The following NF1 variants were observed in gnomAD, a reference collection of about 807,000 sequenced individuals.
NF1 encodes neurofibromin 1, also known as neurofibromin.
In NF1, 122 loss-of-function variants were observed where a neutral mutation model predicts 325.7. The observed-to-expected ratio is 0.37, with a 90% confidence interval of 0.32 to 0.44. The LOEUF is 0.44. Among genes scored for constraint, NF1 ranks in the 20% least tolerant of loss-of-function variants. The pLI is 1.00. For missense variants in NF1, 2,140 were observed against 3,415.4 expected, an observed-to-expected ratio of 0.63 and a Z score of 9.31; for synonymous variants, 1,091 against 1,186.0, an observed-to-expected ratio of 0.92 and a Z score of 1.65.
chr17:31,112,741 A>C (rs1013942956), intron 1 of NF1, among the ~76,000 whole-genome samples: 5 of 152,134 alleles, frequency 3.3e-5, no homozygotes, highest in Non-Finnish European at 5.9e-5. Context: ...AAGTCTTTCA[A>C]AAGCAGATGT....
chr17:31,285,860 T>C (rs1377893808), intron 36 of NF1, among the ~76,000 whole-genome samples: 2 of 152,190 alleles, frequency 1.3e-5, no homozygotes, highest in African/African-American at 4.8e-5. Flanking sequence ...CTCTTAGTGG[T>C]ATTTGAAAGG....
rs549820662 is a variant in NF1 at position 31,372,367 on chromosome 17, C to T, written c.8378-1646C>T. ...TACATTTTGATACAAATTACTAAAA[C>T]GTTCTGCAGCTGTTTGCTTTCCCGC... On this transcript the variant is annotated intron_variant, in intron 57 of 57. Coordinates refer to ENST00000358273, the MANE Select transcript of NF1 (RefSeq NM_001042492.3). Among the ~76,000 whole-genome samples, 11 of 152,210 alleles carry T rather than the reference C, an allele frequency of 7.2e-5. 1 individual carries two copies. The South Asian group carries it at 1.9e-3, about 26-fold the overall frequency.
In NF1 at chr17:31,225,111, C is replaced by G. The variant is rs760346063; in HGVS notation, c.1862C>G (p.Ser621Cys). Reference protein sequence around the residue: ...LLKNKQADRSSCHFLLFYGVG... With the variant: ...LLKNKQADRSCCHFLLFYGVG... ...TTTTTCTAGCAGGCAGATAGAAGTT[C>G]CTGTCACTTTCTCCTTTTTTACGGG... Residue 621 changes from serine to cysteine, a missense_variant, in exon 17 of 58, where the codon TCC becomes TGC. Physicochemically the swap from Ser to Cys is moderately radical, Grantham distance 112. Transcript: ENST00000358273. The G allele has an allele frequency of 6.2e-7, 1 of 1,613,468 alleles. No individual in the cohort carries two copies. Among genetic ancestry groups the G allele is most frequent in the Non-Finnish European group, 8.5e-7 (1 of 1,179,670 alleles).
intron 11 of NF1, among the ~76,000 whole-genome samples, chr17:31,203,115 A>G (rs1321178078): frequency 6.6e-6 from 1 of 152,156 alleles, no homozygotes; most frequent in Non-Finnish European, 1.5e-5. Context: ...ACTTTCAAGC[A>G]TGGACTTGGC....
At chr17:31,341,558 C>T (rs2069821309) in intron 47 of NF1, among the ~76,000 whole-genome samples, 1 of 150,368 alleles carries the variant, frequency 6.7e-6, no homozygotes, top group African/African-American at 2.5e-5. Flanking sequence ...TACATACACA[C>T]ATATATATGT....
chr17:31,187,063 C>G (rs1298553542), intron 8 of NF1, among the ~76,000 whole-genome samples: 1 of 152,156 alleles, frequency 6.6e-6, no homozygotes, highest in Non-Finnish European at 1.5e-5. Context: ...ATGCTTCTGC[C>G]AAGATTACCA....
chr17:31,144,417 T>C lies in NF1; in HGVS notation c.61-11566T>C, dbSNP rs549624227. ...TTTCCCCTGTCTTTTGGTTATCTAT[T>C]GCTGTATAATAAGCTACTCCAAAGC... On this transcript the variant is annotated intron_variant, in intron 1 of 57. Transcript: ENST00000358273. 2.9e-3 allele frequency among the ~76,000 whole-genome samples: 440 copies of C among 152,374 alleles called. 3 individuals are homozygous for C. The highest frequency in any genetic ancestry group is 0.01 in the African/African-American group (423 of 41,592).
intron 11 of NF1, among the ~76,000 whole-genome samples, chr17:31,204,660 A>G (rs2066589099): frequency 6.6e-6 from 1 of 152,100 alleles, no homozygotes; most frequent in Non-Finnish European, 1.5e-5. Flanking sequence ...CTGGTACCAC[A>G]ATACGGTTTC....
At chr17:31,359,047 C>T (rs1242871929) in intron 56 of NF1, 32 bp downstream of exon 56, 2 of 1,592,594 alleles carry the variant, frequency 1.3e-6, no homozygotes, top group Non-Finnish European at 1.7e-6. Context: ...TAACTTTTGG[C>T]AAAATGAAGG....
intron 8 of NF1, among the ~76,000 whole-genome samples, chr17:31,185,353 C>T (rs1025576185): frequency 1.3e-5 from 2 of 152,148 alleles, no homozygotes; most frequent in Non-Finnish European, 2.9e-5. Flanking sequence ...AGACCTTGGT[C>T]ATGTTTCACT....
Position 31,201,500 on chromosome 17 carries a change from T to C in NF1, c.1260+15T>C, listed in dbSNP as rs2066529870. ...TCATCACCAATGTAAGTCCAAAAGG[T>C]ATTGCTAAATTACTAAAAAAATTTT... On this transcript the variant is annotated intron_variant, in intron 11 of 57. Transcript: ENST00000358273. The C allele has an allele frequency of 1.3e-6, 2 of 1,591,130 alleles. No homozygotes were observed. The highest frequency in any genetic ancestry group is 3.4e-5 in the Admixed American group (2 of 59,422).
chr17:31,198,552 A>G (rs1207263620), intron 8 of NF1, among the ~76,000 whole-genome samples: 8 of 151,902 alleles, frequency 5.3e-5, no homozygotes, highest in African/African-American at 1.9e-4. Flanking sequence ...ACAGTTTTAC[A>G]TAGTATCGTC....
chr17:31,161,227 A>G (rs1487491671), intron 3 of NF1, among the ~76,000 whole-genome samples: 1 of 152,208 alleles, frequency 6.6e-6, no homozygotes, highest in East Asian at 1.9e-4. Context: ...TAAAAGATTT[A>G]ATACTTCTTA....
chr17:31,335,121 T>C, intron 40 of NF1, 90 bp downstream of exon 40: 1 of 1,093,872 alleles, frequency 9.1e-7, no homozygotes, highest in Non-Finnish European at 1.4e-6. Context: ...CGCTAGACAC[T>C]AGGGATAGAG....
chr17:31,170,329 C>A (rs1359482073), intron 5 of NF1, among the ~76,000 whole-genome samples: 1 of 152,174 alleles, frequency 6.6e-6, no homozygotes, highest in Non-Finnish European at 1.5e-5. Context: ...TAGAAGCTAT[C>A]TGTTTAGCTA....
At chr17:31,138,009 T>C (rs933415051) in intron 1 of NF1, 1 of 152,136 alleles carries the variant, frequency 6.6e-6, no homozygotes, top group Non-Finnish European at 1.5e-5. Context: ...CTTGCTATTC[T>C]GCAGTTCAAT....
chr17:31,335,709 C>T (rs927424611), intron 40 of NF1, among the ~76,000 whole-genome samples: 3 of 151,678 alleles, frequency 2.0e-5, no homozygotes, highest in Non-Finnish European at 4.4e-5. Flanking sequence ...GACTGAGTCT[C>T]GCTCTGTCAC....
At position 31,227,267 on chromosome 17, in the gene NF1, G is replaced by A. The variant is rs746127097; in HGVS notation, c.2301G>A (p.Glu767=). 3 of 1,613,700 alleles carry A rather than the reference G, an allele frequency of 1.9e-6. No homozygotes were observed. Among genetic ancestry groups the A allele is most frequent in the Non-Finnish European group, 1.7e-6 (2 of 1,179,716 alleles). Residue 767 remains glutamate, a synonymous_variant, in exon 19 of 58, where the codon GAG becomes GAA. Transcript: ENST00000358273. ...TGATGGCACTGCTGAGGCGCATTGA[G>A]CATCCCACTGCAGGAAACACTGAGG... ...KRVMALLRRI[E]HPTAGNTEAW... is the part of the protein sequence containing the mutation.
At chr17:31,365,242 G>A (rs531620535) in intron 57 of NF1, among the ~76,000 whole-genome samples, 3 of 131,902 alleles carry the variant, frequency 2.3e-5, no homozygotes, top group South Asian at 4.7e-4. Flanking sequence ...CTGTGATCAT[G>A]CCACTGCACT....
Sources: gnomAD v4.1 joint callset for allele counts (sites outside exome capture counted in the v4.1 genomes callset) on GRCh38, gnomAD v4.1.1 for gene constraint, MANE v1.5 for transcripts, NCBI Gene and HGNC (gene_info 2026-07-23, HGNC 2026-07-21) for gene names.